KIF13B: variants seen among roughly 807,000 people sequenced by gnomAD.
KIF13B encodes the protein kinesin family member 13B.
KIF13B carries 127 observed loss-of-function variants against 222.0 expected under a neutral mutation model. The ratio of observed to expected loss-of-function variants is 0.57; its 90% CI spans 0.50 to 0.66. The LOEUF (loss-of-function observed/expected upper bound fraction) is 0.66. Ranked by LOEUF, KIF13B falls within the 30% of genes least tolerant of loss-of-function variation. The pLI is 0.00. For synonymous variants in KIF13B, 976 were observed against 919.0 expected (o/e 1.06, Z -1.12); for missense variants, 2,173 against 2,379.0 (o/e 0.91, Z 1.80).
chr8:29,184,227 G>A (rs1361542308), intron 6 of KIF13B, among the ~76,000 whole-genome samples: 1 of 149,610 alleles, frequency 6.7e-6, no homozygotes, highest in South Asian at 2.1e-4. Context: ...TAATTAGTAC[G>A]TGAATAAAAA....
At chr8:29,075,441 G>C (rs185472254) in intron 37 of KIF13B, 98 bp from the exon 38 acceptor site, 13 of 1,108,702 alleles carry the variant, frequency 1.2e-5, no homozygotes, top group Non-Finnish European at 1.7e-5. Context: ...ACCTGCCCGA[G>C]GGGAATCGGC....
intron 37 of KIF13B, among the ~76,000 whole-genome samples, chr8:29,087,447 T>C (rs1391796517): frequency 6.6e-6 from 1 of 152,202 alleles, no homozygotes; most frequent in African/African-American, 2.4e-5. Flanking sequence ...ACATCAAAGA[T>C]AAAAAATTCT....
chr8:29,222,183 C>T (rs35394306), intron 2 of KIF13B, among the ~76,000 whole-genome samples: 6,831 of 151,438 alleles, frequency 0.045, 326 homozygotes, highest in African/African-American at 0.11. Flanking sequence ...CCCATCTCTA[C>T]AAAAAAAGAA....
rs184707223 is a variant in KIF13B, at chr8:29,248,062, G to C, written c.56-2623C>G. On this transcript the variant is annotated intron_variant, in intron 1 of 39. Coordinates refer to ENST00000524189, the MANE Select transcript of KIF13B (RefSeq NM_015254.4). ...CAGATCATCACAAGGGTTGGCAAGG[G>C]TGTGGAGTAATTAGAACCCTCATAC... Among the ~76,000 whole-genome samples the C allele has an allele frequency of 9.9e-4, 150 of 152,206 alleles. 1 individual carries two copies. Among genetic ancestry groups the C allele is most frequent in the South Asian group, 9.3e-3 (45 of 4,824 alleles).
intron 1 of KIF13B, among the ~76,000 whole-genome samples, chr8:29,250,537 G>A (rs369701131): frequency 3.9e-5 from 6 of 152,156 alleles, no homozygotes; most frequent in African/African-American, 1.4e-4. Flanking sequence ...TTTTGTCCTA[G>A]AGACGGCAAC....
intron 2 of KIF13B, among the ~76,000 whole-genome samples, chr8:29,216,637 GTTCT>G (rs1225052960): frequency 6.6e-6 from 1 of 152,002 alleles, no homozygotes; most frequent in African/African-American, 2.4e-5. Context: ...ATACAACTAT[GTTCT>G]TTCTACTTTA....
chr8:29,167,682 G>T lies in KIF13B; in HGVS notation c.946-97C>A, dbSNP rs1056303250. On this transcript the variant is annotated intron_variant, in intron 10 of 39. Transcript: ENST00000524189. The stretch of plus-strand genomic sequence containing the variant: ...CAAAAATGGTGAACAAATTTCCCCA[G>T]GTCAAACACATTCAATGACAGAGCC... 4 of 969,576 alleles carry T rather than the reference G, an allele frequency of 4.1e-6. No individual in the cohort carries two copies. In the African/African-American group the frequency reaches 6.4e-5, roughly 16 times the overall value. 60.1% of individuals were successfully genotyped at this position (969,576 alleles called of 1,614,324 possible).
intron 35 of KIF13B, among the ~76,000 whole-genome samples, chr8:29,106,255 C>T (rs78701930): frequency 0.099 from 15,059 of 152,184 alleles, 991 homozygotes; most frequent in Middle Eastern, 0.17. Context: ...CTCCAGTGAA[C>T]GGATAAGCTG....
Position 29,156,704 on chromosome 8 carries a change from A to G in KIF13B, c.1405-848T>C, listed in dbSNP as rs1470586078. 5.7e-5 allele frequency among the ~76,000 whole-genome samples: 8 copies of G among 139,202 alleles called. No homozygotes were observed. The Admixed American group carries it at 5.9e-4, about 10-fold the overall frequency. The allele number at this position is 139,202 out of a possible 152,430, so 91.3% of individuals were successfully genotyped here. On this transcript the variant is annotated intron_variant, in intron 13 of 39. Coordinates refer to ENST00000524189, the MANE Select transcript of KIF13B (RefSeq NM_015254.4). ...ATTTTTTTTTTTTTTTTTTTTTTGT[A>G]GAGACAGGGTCTCACTATGTTGCTC...
chr8:29,116,681 C>G (rs1248828947), intron 31 of KIF13B, 150 bp downstream of exon 31: 2 of 576,588 alleles, frequency 3.5e-6, no homozygotes, highest in Non-Finnish European at 5.9e-6. Context: ...TTGAAGCAAG[C>G]ATGGGTACAG....
intron 2 of KIF13B, among the ~76,000 whole-genome samples, chr8:29,211,118 T>C (rs550549549): frequency 1.3e-5 from 2 of 152,328 alleles, no homozygotes; most frequent in Non-Finnish European, 2.9e-5. Flanking sequence ...CTTCTTCTAA[T>C]TGGTCTGGCC....
At chr8:29,125,212 G>T (rs539796660) in intron 26 of KIF13B, among the ~76,000 whole-genome samples, 1 of 152,274 alleles carries the variant, frequency 6.6e-6, no homozygotes, top group East Asian at 1.9e-4. Context: ...TGGGGCAACA[G>T]GTAGGGGAAA....
At chr8:29,147,331 A>G in intron 17 of KIF13B, 61 bp downstream of exon 17, 1 of 1,185,240 alleles carries the variant, frequency 8.4e-7, no homozygotes, top group Non-Finnish European at 1.2e-6. Context: ...CACTTTCCCT[A>G]GGTGTGTTAG....
intron 1 of KIF13B, among the ~76,000 whole-genome samples, chr8:29,253,971 T>C (rs1379502790): frequency 6.6e-6 from 1 of 152,000 alleles, no homozygotes; most frequent in East Asian, 1.9e-4. Flanking sequence ...CAAGACAGTG[T>C]GGTACTTACA....
rs185955458 is a variant in KIF13B at position 29,105,637 on chromosome 8, C to A, written c.4215+2502G>T. Among the ~76,000 whole-genome samples, 1,073 of 139,218 alleles carry A rather than the reference C, an allele frequency of 7.7e-3. 11 individuals are homozygous for A. The highest frequency in any genetic ancestry group is 0.011 in the Non-Finnish European group (727 of 65,450). 91.3% of individuals were successfully genotyped at this position (139,218 alleles called of 152,430 possible). A position where few individuals can be genotyped will look rare whatever the true frequency, so the allele number is the denominator to read the frequency against. ...ATCCATTTAAAATAAGGAAACTGGG[C>A]AGAGTTTGTTTGGTTTTTTTTTTTT... On this transcript the variant is annotated intron_variant, in intron 35 of 39. Transcript: ENST00000524189.
intron 24 of KIF13B, among the ~76,000 whole-genome samples, chr8:29,129,163 C>T (rs1013941378): frequency 7.9e-5 from 12 of 152,170 alleles, no homozygotes; most frequent in African/African-American, 2.9e-4. Flanking sequence ...AAGCCCTTTC[C>T]TGATAAACCA....
intron 29 of KIF13B, among the ~76,000 whole-genome samples, chr8:29,121,263 A>G (rs1441874050): frequency 1.7e-5 from 1 of 60,598 alleles, no homozygotes; most frequent in Non-Finnish European, 3.0e-5. Flanking sequence ...TCCTAAGCCA[A>G]AAGAACAAAG....
In KIF13B at chr8:29,176,051, A is replaced by G. The variant is rs767125407; in HGVS notation, c.945+17T>C. On this transcript the variant is annotated intron_variant, in intron 10 of 39. Transcript: ENST00000524189. ...ACCACCAAAAGTATGCCAGGAAGGG[A>G]AAAAAAACAAACTTACTTTGAGCAG... 7.3e-6 allele frequency: 11 copies of G among 1,513,680 alleles called. No individual in the cohort carries two copies. Among genetic ancestry groups the G allele is most frequent in the South Asian group, 1.1e-5 (1 of 87,788 alleles). The allele number at this position is 1,513,680 out of a possible 1,614,324, so 93.8% of individuals were successfully genotyped here.
intron 8 of KIF13B, among the ~76,000 whole-genome samples, 155 bp from the exon 9 acceptor site, chr8:29,177,733 C>T (rs1163753331): frequency 6.6e-6 from 1 of 152,080 alleles, no homozygotes; most frequent in Admixed American, 6.6e-5. Flanking sequence ...AAAATCCTGT[C>T]TCCACAAAAA....
Sources: allele counts gnomAD v4.1 joint callset (sites outside exome capture counted in the v4.1 genomes callset), GRCh38; gene constraint gnomAD v4.1.1; transcripts MANE v1.5; gene names NCBI Gene and HGNC (gene_info 2026-07-23, HGNC 2026-07-21).